The following MNAT1 variants were observed in gnomAD, a reference collection of about 807,000 sequenced individuals.
MNAT1 encodes the protein CDK-activating kinase assembly factor MAT1.
In MNAT1, 43 loss-of-function variants were observed where a neutral mutation model predicts 42.0. That is an observed-to-expected ratio of 1.02 (90% CI 0.80 to 1.32). MNAT1 has a LOEUF of 1.32. Among genes scored for constraint, MNAT1 ranks in the 40% most tolerant of loss-of-function variants. The pLI is 0.00. For synonymous variants in MNAT1, 118 were observed against 120.0 expected, an observed-to-expected ratio of 0.98 and a Z score of 0.11; for missense variants, 306 against 350.4, an observed-to-expected ratio of 0.87 and a Z score of 1.01.
chr14:60,778,078 A>G (rs983752449), intron 1 of MNAT1, among the ~76,000 whole-genome samples: 2 of 152,156 alleles, frequency 1.3e-5, no homozygotes, highest in Admixed American at 6.5e-5. Flanking sequence ...ATTCTGAGTC[A>G]CTATTCAGCC....
chr14:60,914,130 C>T (rs185246634), intron 7 of MNAT1, among the ~76,000 whole-genome samples: 37 of 152,280 alleles, frequency 2.4e-4, no homozygotes, highest in South Asian at 2.3e-3. Context: ...GAGCCTGGTG[C>T]AGGATATAAT....
intron 7 of MNAT1, among the ~76,000 whole-genome samples, chr14:60,967,780 C>G (rs1370372177): frequency 6.6e-6 from 1 of 152,172 alleles, no homozygotes; most frequent in Non-Finnish European, 1.5e-5. Context: ...TTTCTCCCCT[C>G]TTCCATTTGT....
At chr14:60,844,746 C>T (rs944352050) in intron 6 of MNAT1, among the ~76,000 whole-genome samples, 22 of 152,024 alleles carry the variant, frequency 1.4e-4, no homozygotes, top group Non-Finnish European at 2.2e-4. Context: ...CATTATATGT[C>T]ATACTAGCTG....
chr14:60,931,279 A>G (rs1594885326), intron 7 of MNAT1, among the ~76,000 whole-genome samples: 1 of 152,296 alleles, frequency 6.6e-6, no homozygotes, highest in Non-Finnish European at 1.5e-5. Context: ...CACAGCCTAT[A>G]GAATATGCCA....
intron 1 of MNAT1, among the ~76,000 whole-genome samples, chr14:60,770,757 G>A (rs1024464559): frequency 6.6e-6 from 1 of 152,060 alleles, no homozygotes; most frequent in Non-Finnish European, 1.5e-5. Flanking sequence ...CTACCAAAAG[G>A]CACAAGGGTT....
chr14:60,885,896 G>C (rs1398462555), intron 7 of MNAT1, among the ~76,000 whole-genome samples: 1 of 151,832 alleles, frequency 6.6e-6, no homozygotes, highest in Non-Finnish European at 1.5e-5. Flanking sequence ...TATGGTTTCA[G>C]GTTTTATTTT....
intron 7 of MNAT1, among the ~76,000 whole-genome samples, chr14:60,883,303 A>C (rs117253048): frequency 6.6e-6 from 1 of 152,120 alleles, no homozygotes; most frequent in Non-Finnish European, 1.5e-5. Flanking sequence ...ATGGATATCC[A>C]GTTTTCCCAG....
At chr14:60,941,105 T>C (rs1322730145) in intron 7 of MNAT1, among the ~76,000 whole-genome samples, 1 of 152,218 alleles carries the variant, frequency 6.6e-6, no homozygotes, top group African/African-American at 2.4e-5. Flanking sequence ...TTGTTATTTC[T>C]AGTTTTTATG....
intron 1 of MNAT1, among the ~76,000 whole-genome samples, chr14:60,736,681 A>C (rs1896317565): frequency 6.6e-6 from 1 of 152,158 alleles, no homozygotes; most frequent in South Asian, 2.1e-4. Flanking sequence ...GTCTGATTTC[A>C]CATTCTTTAC....
intron 6 of MNAT1, among the ~76,000 whole-genome samples, chr14:60,819,738 A>G (rs1483728483): frequency 6.6e-6 from 1 of 152,156 alleles, no homozygotes; most frequent in Non-Finnish European, 1.5e-5. Context: ...ATCCAAACAG[A>G]CCTGAGTTCA....
At chr14:60,751,309 G>T (rs1051277682) in intron 1 of MNAT1, among the ~76,000 whole-genome samples, 1 of 151,906 alleles carries the variant, frequency 6.6e-6, no homozygotes, top group African/African-American at 2.4e-5. Flanking sequence ...TCAAACTCAT[G>T]CATAAGATGA....
At chr14:60,947,607 CGGGA>C (rs1475290846) in intron 7 of MNAT1, among the ~76,000 whole-genome samples, 1 of 152,106 alleles carries the variant, frequency 6.6e-6, no homozygotes, top group Non-Finnish European at 1.5e-5. Flanking sequence ...CGCTTGAACC[CGGGA>C]GGCAGAGGTT....
chr14:60,757,287 G>A (rs2030399569), intron 1 of MNAT1, among the ~76,000 whole-genome samples: 1 of 151,976 alleles, frequency 6.6e-6, no homozygotes, highest in African/African-American at 2.4e-5. Flanking sequence ...TCAGTTTTTG[G>A]TGATAATTCC....
chr14:60,914,276 G>A (rs565192778), intron 7 of MNAT1, among the ~76,000 whole-genome samples: 13 of 152,238 alleles, frequency 8.5e-5, no homozygotes, highest in Non-Finnish European at 1.3e-4. Flanking sequence ...CGCTTCCCGG[G>A]TGAGGCGATG....
At chr14:60,858,856 T>C (rs138877929) in intron 6 of MNAT1, among the ~76,000 whole-genome samples, 3 of 152,336 alleles carry the variant, frequency 2.0e-5, no homozygotes, top group African/African-American at 7.2e-5. Context: ...GCACTGTGTT[T>C]TAGACATAAT....
At chr14:60,921,448 A>G (rs1447482350) in intron 7 of MNAT1, among the ~76,000 whole-genome samples, 1 of 152,204 alleles carries the variant, frequency 6.6e-6, no homozygotes, top group Non-Finnish European at 1.5e-5. Flanking sequence ...ATAGAAAATC[A>G]TAAGCCATAA....
At chr14:60,805,597 G>A (rs1034593688) in intron 3 of MNAT1, among the ~76,000 whole-genome samples, 21 of 152,218 alleles carry the variant, frequency 1.4e-4, no homozygotes, top group African/African-American at 4.8e-4. Flanking sequence ...GACAAACACT[G>A]TTCTTTTTAG....
chr14:60,829,577 CT>C (rs945922242), intron 6 of MNAT1, among the ~76,000 whole-genome samples: 1 of 152,094 alleles, frequency 6.6e-6, no homozygotes, highest in Non-Finnish European at 1.5e-5. Flanking sequence ...GAAAATTTGT[CT>C]CATGATCTGT....
At chr14:60,824,422 A>G (rs2032993215) in intron 6 of MNAT1, among the ~76,000 whole-genome samples, 2 of 152,186 alleles carry the variant, frequency 1.3e-5, no homozygotes, top group African/African-American at 4.8e-5. Context: ...CTATGTAGGT[A>G]CTTAAATAAT....
Sources: gnomAD v4.1 joint callset for allele counts (sites outside exome capture counted in the v4.1 genomes callset) on GRCh38, gnomAD v4.1.1 for gene constraint, MANE v1.5 for transcripts, NCBI Gene and HGNC (gene_info 2026-07-23, HGNC 2026-07-21) for gene names.